NKAIN3: variants seen among roughly 807,000 people sequenced by gnomAD.
NKAIN3 encodes the protein sodium/potassium-transporting ATPase subunit beta-1-interacting protein 3.
A neutral mutation model predicts 30.2 loss-of-function variants in NKAIN3; 25 were observed. The ratio of observed to expected loss-of-function variants is 0.83; its 90% CI spans 0.60 to 1.16. The LOEUF (loss-of-function observed/expected upper bound fraction) is 1.16, where lower values mean the gene tolerates loss of function less well. NKAIN3 is among the 50% of genes most tolerant of loss of function. NKAIN3 has a pLI of 0.00. For missense variants in NKAIN3, 225 were observed against 254.1 expected (o/e 0.89, Z 0.78); for synonymous variants, 91 against 89.6 (o/e 1.02, Z -0.09).
downstream of NKAIN3, among the ~76,000 whole-genome samples, chr8:62,985,800 G>A (rs143087652): frequency 1.8e-4 from 27 of 151,334 alleles, no homozygotes; most frequent in African/African-American, 5.8e-4. Context: ...GGAACTTTCT[G>A]TATTGCTTTT....
At chr8:62,938,078 C>T (rs778744793) in intron 5 of NKAIN3, among the ~76,000 whole-genome samples, 10 of 152,236 alleles carry the variant, frequency 6.6e-5, no homozygotes, top group Non-Finnish European at 1.0e-4. Flanking sequence ...AGCTCAGACA[C>T]GCCTAACCCT....
intron 3 of NKAIN3, among the ~76,000 whole-genome samples, chr8:62,647,633 G>C (rs1218767543): frequency 6.6e-6 from 1 of 152,160 alleles, no homozygotes; most frequent in Non-Finnish European, 1.5e-5. Flanking sequence ...AGGGAGGACT[G>C]TTTTAAGGAG....
intron 3 of NKAIN3, among the ~76,000 whole-genome samples, chr8:62,688,764 A>G (rs1017901363): frequency 6.6e-6 from 1 of 152,002 alleles, no homozygotes; most frequent in Non-Finnish European, 1.5e-5. Flanking sequence ...ACACACACAC[A>G]CACACACAAA....
intron 1 of NKAIN3, among the ~76,000 whole-genome samples, chr8:62,574,867 C>A (rs962530781): frequency 1.1e-4 from 17 of 151,946 alleles, no homozygotes; most frequent in Non-Finnish European, 1.9e-4. Flanking sequence ...AACTCAAAAA[C>A]CATATGATCA....
intron 1 of NKAIN3, among the ~76,000 whole-genome samples, chr8:62,517,487 A>C (rs913418016): frequency 6.6e-6 from 1 of 152,164 alleles, no homozygotes; most frequent in Admixed American, 6.5e-5. Flanking sequence ...GAAGGCAAAG[A>C]GAATACCGTA....
At chr8:62,360,530 TTAAAG>T (rs1291203071) in intron 1 of NKAIN3, among the ~76,000 whole-genome samples, 2 of 152,226 alleles carry the variant, frequency 1.3e-5, no homozygotes, top group East Asian at 3.9e-4. Context: ...ATTAATGAAT[TTAAAG>T]TAAATTAGTT....
At chr8:62,659,663 C>T (rs1359421324) in intron 3 of NKAIN3, among the ~76,000 whole-genome samples, 2 of 152,090 alleles carry the variant, frequency 1.3e-5, no homozygotes, top group Non-Finnish European at 2.9e-5. Flanking sequence ...AGGGTGAGAA[C>T]AGGTTTGACC....
chr8:62,403,821 A>C lies in NKAIN3; in HGVS notation c.54+154694A>C, dbSNP rs539600933. Among the ~76,000 whole-genome samples the C allele has an allele frequency of 3.3e-5, 5 of 152,210 alleles. No individual in the cohort carries two copies. In the South Asian group the frequency reaches 8.3e-4, roughly 25 times the overall value. The stretch of plus-strand genomic sequence containing the variant: ...GGCACTGCCTGGTGTAGCTGTAAGA[A>C]GAAGGCCACTGTCTTCCAGACCCCA... On this transcript the variant is annotated intron_variant, in intron 1 of 6. Transcript: ENST00000623646.
downstream of NKAIN3, among the ~76,000 whole-genome samples, chr8:62,987,483 G>T (rs1824226500): frequency 6.6e-6 from 1 of 152,140 alleles, no homozygotes; most frequent in Non-Finnish European, 1.5e-5. Context: ...GACTGAGGAG[G>T]CCTCACAATC....
At chr8:62,709,826 T>C (rs957367005) in intron 3 of NKAIN3, among the ~76,000 whole-genome samples, 47 of 152,110 alleles carry the variant, frequency 3.1e-4, no homozygotes, top group Non-Finnish European at 1.0e-4. Context: ...CGTTAGTTTT[T>C]GCTCTTTCAT....
chr8:62,469,983 C>T (rs537124679), intron 1 of NKAIN3, among the ~76,000 whole-genome samples: 1 of 152,316 alleles, frequency 6.6e-6, no homozygotes, highest in Non-Finnish European at 1.5e-5. Flanking sequence ...TCCTGGTATG[C>T]TTTGCAGCTC....
At position 62,663,852 on chromosome 8, in the gene NKAIN3, T is replaced by A. The variant is rs190958488; in HGVS notation, c.273+74058T>A. 1.3e-4 allele frequency among the ~76,000 whole-genome samples: 20 copies of A among 152,316 alleles called. No homozygotes were observed. The East Asian group carries it at 3.5e-3, about 27-fold the overall frequency. On this transcript the variant is annotated intron_variant, in intron 3 of 6. Coordinates refer to ENST00000623646, the MANE Select transcript of NKAIN3 (RefSeq NM_001304533.3). The stretch of plus-strand genomic sequence containing the variant: ...ACAGTGCGTGATGCCCAGATGATCC[T>A]CCATGAGTATTTGCTGATTGAATAA...
chr8:62,307,101 GC>G (rs1814269571), intron 1 of NKAIN3, among the ~76,000 whole-genome samples: 1 of 149,916 alleles, frequency 6.7e-6, no homozygotes, highest in Non-Finnish European at 1.5e-5. Context: ...TGAGGGGGCT[GC>G]CCTGGTGAAT....
At chr8:62,449,721 G>A (rs1029431778) in intron 1 of NKAIN3, among the ~76,000 whole-genome samples, 4 of 151,998 alleles carry the variant, frequency 2.6e-5, no homozygotes, top group Admixed American at 6.6e-5. Flanking sequence ...ATCCATAAGC[G>A]TATTTTTCCC....
chr8:62,796,496 A>G (rs1817866599), intron 4 of NKAIN3, among the ~76,000 whole-genome samples: 2 of 151,862 alleles, frequency 1.3e-5, no homozygotes. Flanking sequence ...ACACTGCCCA[A>G]ATGCACACAT....
At chr8:62,468,991 G>T (rs987459252) in intron 1 of NKAIN3, among the ~76,000 whole-genome samples, 1 of 152,062 alleles carries the variant, frequency 6.6e-6, no homozygotes, top group Non-Finnish European at 1.5e-5. Context: ...CTAACCCAAC[G>T]TTCTGTTACT....
Position 62,470,193 on chromosome 8 carries a change from T to C in NKAIN3, c.55-109346T>C, listed in dbSNP as rs80241919. Among the ~76,000 whole-genome samples the C allele has an allele frequency of 4.8e-3, 730 of 152,332 alleles. 7 individuals carry two copies. The highest frequency in any genetic ancestry group is 0.017 in the African/African-American group (700 of 41,570). ...TCATATGACTACAGCTTTAATAGTC[T>C]GGAGGTAATATTGAAAGTAATTTAC... On this transcript the variant is annotated intron_variant, in intron 1 of 6. Transcript: ENST00000623646.
At chr8:62,499,831 TTTCTTTCC>T (rs544260195) in intron 1 of NKAIN3, among the ~76,000 whole-genome samples, 104 of 152,208 alleles carry the variant, frequency 6.8e-4, no homozygotes, top group African/African-American at 2.4e-3. Flanking sequence ...TCTTTCTTTC[TTTCTTTCC>T]TTCTTTCCTT....
intron 3 of NKAIN3, among the ~76,000 whole-genome samples, chr8:62,595,955 T>A (rs755649881): frequency 5.3e-5 from 8 of 151,794 alleles, no homozygotes. Flanking sequence ...AACAAGGAGG[T>A]TAAAGATACA....
Sources: allele counts gnomAD v4.1 joint callset (sites outside exome capture counted in the v4.1 genomes callset), GRCh38; gene constraint gnomAD v4.1.1; transcripts MANE v1.5; gene names NCBI Gene and HGNC (gene_info 2026-07-23, HGNC 2026-07-21).